OCLN: variants seen among roughly 807,000 people sequenced by gnomAD.
OCLN encodes the protein phosphatase 1, regulatory subunit 115.
Under a neutral mutation model 47.9 loss-of-function variants are expected in OCLN, and 21 were observed. The observed-to-expected ratio is 0.44, with a 90% CI of 0.31 to 0.63. OCLN has a LOEUF of 0.63. Ranked by LOEUF, OCLN falls within the 30% of genes least tolerant of loss-of-function variation. The pLI is 0.08. For missense variants in OCLN, 360 were observed against 571.0 expected, an observed-to-expected ratio of 0.63 and a Z score of 3.77; for synonymous variants, 117 against 198.4, an observed-to-expected ratio of 0.59 and a Z score of 3.45.
At chr5:69,509,885 A>G (rs1270622724) in intron 3 of OCLN, 66 bp downstream of exon 3, 10 of 1,170,820 alleles carry the variant, frequency 8.5e-6, no homozygotes, top group African/African-American at 6.0e-5. Context: ...GAGATATGTG[A>G]TAGAATCACT....
chr5:69,522,894 C>CTTTTTTTCTTTTTT (rs1769179252), intron 4 of OCLN, among the ~76,000 whole-genome samples: 1 of 116,890 alleles, frequency 8.6e-6, no homozygotes, highest in East Asian at 2.4e-4. Context: ...GCCTGGCTGA[C>CTTTTTTTCTTTTTT]TTTTTTTTTT....
At chr5:69,500,285 C>T (rs996586786) in intron 1 of OCLN, among the ~76,000 whole-genome samples, 4 of 152,194 alleles carry the variant, frequency 2.6e-5, no homozygotes, top group African/African-American at 7.2e-5. Flanking sequence ...TTCTTTCTCT[C>T]TGCATTCCCT....
chr5:69,516,653 AATAT>A (rs1768980821), intron 4 of OCLN, among the ~76,000 whole-genome samples: 1 of 152,196 alleles, frequency 6.6e-6, no homozygotes, highest in African/African-American at 2.4e-5. Flanking sequence ...TCCTTTTAAA[AATAT>A]ATACTATTAA....
chr5:69,513,926 A>AGG, intron 3 of OCLN, 22 bp from the exon 4 acceptor site: 1 of 1,601,322 alleles, frequency 6.2e-7, no homozygotes, highest in Non-Finnish European at 8.6e-7. Flanking sequence ...TAATTATGCC[A>AGG]ATATTTTCCA....
intron 4 of OCLN, among the ~76,000 whole-genome samples, chr5:69,532,222 C>T (rs1050257062): frequency 1.3e-5 from 2 of 151,782 alleles, no homozygotes; most frequent in Admixed American, 1.3e-4. Context: ...CCCAGATAAT[C>T]TGATGCTATT....
intron 1 of OCLN, among the ~76,000 whole-genome samples, chr5:69,501,701 G>GTA (rs1768462848): frequency 6.6e-6 from 1 of 151,816 alleles, no homozygotes; most frequent in Non-Finnish European, 1.5e-5. Context: ...TATGATTTGT[G>GTA]CACTTTTCTC....
chr5:69,507,399 G>C (rs528790866), intron 2 of OCLN, among the ~76,000 whole-genome samples: 45 of 152,204 alleles, frequency 3.0e-4, no homozygotes, highest in African/African-American at 1.0e-3. Flanking sequence ...AAAGTGCTGG[G>C]ATTATAGGTG....
At chr5:69,531,942 C>G (rs1466617661) in intron 4 of OCLN, among the ~76,000 whole-genome samples, 3 of 152,094 alleles carry the variant, frequency 2.0e-5, no homozygotes, top group African/African-American at 7.2e-5. Flanking sequence ...TTTATAATAG[C>G]AAAATAATCC....
At chr5:69,508,989 C>A in intron 2 of OCLN, 152 bp from the exon 3 acceptor site, 2 of 709,818 alleles carry the variant, frequency 2.8e-6, no homozygotes, top group Non-Finnish European at 4.8e-6. Flanking sequence ...GGCCAATAAT[C>A]TTATGTTTTA....
At chr5:69,518,312 G>A (rs1401769160) in intron 4 of OCLN, among the ~76,000 whole-genome samples, 1 of 152,190 alleles carries the variant, frequency 6.6e-6, no homozygotes, top group Admixed American at 6.5e-5. Context: ...AGAATTGTCT[G>A]TTGAATAGCA....
chr5:69,509,927 G>A, intron 3 of OCLN, 108 bp downstream of exon 3: 1 of 856,766 alleles, frequency 1.2e-6, no homozygotes, highest in Non-Finnish European at 2.0e-6. Context: ...TGATGACAAG[G>A]CTCCACTTCT....
chr5:69,513,102 C>G (rs1444029836), intron 3 of OCLN, among the ~76,000 whole-genome samples: 2 of 152,194 alleles, frequency 1.3e-5, no homozygotes, highest in Non-Finnish European at 2.9e-5. Context: ...ACCCCTATCC[C>G]TCTTAGTTCT....
chr5:69,517,469 CCTGA>C (rs932747534), intron 4 of OCLN, among the ~76,000 whole-genome samples: 1 of 151,746 alleles, frequency 6.6e-6, no homozygotes, highest in Non-Finnish European at 1.5e-5. Flanking sequence ...TACCACCATG[CCTGA>C]CTAATTTTTT....
At chr5:69,514,677 T>C (rs58840130) in intron 4 of OCLN, among the ~76,000 whole-genome samples, 4 of 152,104 alleles carry the variant, frequency 2.6e-5, no homozygotes, top group South Asian at 4.1e-4. Context: ...TGCGGCCTTC[T>C]GCAGTGTTTG....
intron 1 of OCLN, among the ~76,000 whole-genome samples, chr5:69,503,748 A>G (rs1768521043): frequency 2.6e-5 from 4 of 152,150 alleles, no homozygotes; most frequent in Admixed American, 6.5e-5. Flanking sequence ...AATATCTACA[A>G]TTCCACCATT....
In OCLN at chr5:69,553,567, T is replaced by C. The variant is rs768798094; in HGVS notation, c.1468-3T>C. 1.1e-5 allele frequency: 18 copies of C among 1,613,250 alleles called. No individual in the cohort carries two copies. The highest frequency in any genetic ancestry group is 1.5e-5 in the Non-Finnish European group (18 of 1,179,816). Reference sequence around the variant, plus strand: ...TTATGTGATTCATTTTCTCCCTTTTTAGTCTGCAGATTACAAAAGTAAGAA... The same window carrying C: ...TTATGTGATTCATTTTCTCCCTTTTCAGTCTGCAGATTACAAAAGTAAGAA... On this transcript the variant is annotated splice_region_variant and splice_polypyrimidine_tract_variant and intron_variant, in intron 8 of 8. Coordinates refer to ENST00000396442, the MANE Select transcript of OCLN (RefSeq NM_001205254.2).
At chr5:69,548,563 GCCCGTCTTAGCCT>G (rs1473616079) in intron 7 of OCLN, among the ~76,000 whole-genome samples, 1 of 148,258 alleles carries the variant, frequency 6.7e-6, no homozygotes, top group Non-Finnish European at 1.5e-5. Flanking sequence ...CTCGTGATCT[GCCCGTCTTAGCCT>G]CCCAAAGTGC....
intron 4 of OCLN, among the ~76,000 whole-genome samples, chr5:69,525,136 G>A (rs1769242474): frequency 1.3e-5 from 2 of 150,834 alleles, no homozygotes; most frequent in South Asian, 2.1e-4. Context: ...ACAGGGTCTC[G>A]CTCTGTCACC....
chr5:69,509,231 C>T lies in OCLN; in HGVS notation c.141C>T (p.Tyr47=), dbSNP rs1404120044. The T allele has an allele frequency of 6.2e-7, 1 of 1,614,132 alleles. No individual in the cohort carries two copies. The highest frequency in any genetic ancestry group is 8.5e-7 in the Non-Finnish European group (1 of 1,179,942). The change falls in exon 3 of 9, where the codon TAC becomes TAT. Residue 47 remains tyrosine, a synonymous_variant. Transcript: ENST00000396442. ...TCTCTCAGCCAGCCTACTCTTTTTA[C>T]CCAGAAGATGAAATTCTTCACTTCT... The part of the protein sequence containing the change: ...PMLSQPAYSF[Y]PEDEILHFYK...
Sources: allele counts gnomAD v4.1 joint callset (sites outside exome capture counted in the v4.1 genomes callset), GRCh38; gene constraint gnomAD v4.1.1; transcripts MANE v1.5; gene names NCBI Gene and HGNC (gene_info 2026-07-23, HGNC 2026-07-21).